Variants in CTR9 observed in about 807,000 individuals in gnomAD.
The protein encoded by CTR9 is RNA polymerase-associated protein CTR9 homolog.
Under a neutral mutation model 152.1 loss-of-function variants are expected in CTR9, and 41 were observed. The ratio of observed to expected loss-of-function variants is 0.27; its 90% CI spans 0.21 to 0.35. The LOEUF (loss-of-function observed/expected upper bound fraction) is 0.35. Ranked by LOEUF, CTR9 falls within the 10% of genes least tolerant of loss-of-function variation. CTR9 has a pLI of 1.00. For synonymous variants in CTR9, 476 were observed against 496.2 expected (o/e 0.96, Z 0.54); for missense variants, 917 against 1,424.4 (o/e 0.64, Z 5.73).
chr11:10,763,963 A>G, intron 9 of CTR9, 84 bp downstream of exon 9: 3 of 1,327,552 alleles, frequency 2.3e-6, no homozygotes, highest in South Asian at 2.7e-5. Flanking sequence ...TTGCTAGTAG[A>G]AATATGATAG....
rs1862793828 is a variant in CTR9 at position 10,751,248 on chromosome 11, T to C, written c.-165T>C. 1.5e-6 allele frequency: 1 copy of C among 676,586 alleles called. No homozygotes were observed. Among genetic ancestry groups the C allele is most frequent in the Non-Finnish European group, 2.5e-6 (1 of 400,450 alleles). The allele number at this position is 676,586 out of a possible 1,614,324, so 41.9% of individuals were successfully genotyped here. On this transcript the variant is annotated 5_prime_UTR_variant, in exon 1 of 25. Coordinates refer to ENST00000361367, the MANE Select transcript of CTR9 (RefSeq NM_014633.5). ...TGGCCGTCCGCCGTCCGCTGCTCGTTGTTTAAGCGGCTGACGGGAAGGAGA... is the reference window on the plus strand; with the variant it reads ...TGGCCGTCCGCCGTCCGCTGCTCGTCGTTTAAGCGGCTGACGGGAAGGAGA...
intron 24 of CTR9, among the ~76,000 whole-genome samples, chr11:10,778,074 A>G (rs1460948131): frequency 1.3e-5 from 2 of 152,190 alleles, no homozygotes; most frequent in Admixed American, 6.5e-5. Flanking sequence ...GCAAAGGGAA[A>G]TAAACCAAAG....
chr11:10,764,291 C>G lies in CTR9; in HGVS notation c.1285-17C>G. On this transcript the variant is annotated splice_polypyrimidine_tract_variant and intron_variant, in intron 10 of 24. Coordinates refer to ENST00000361367, the MANE Select transcript of CTR9 (RefSeq NM_014633.5). Reference sequence around the variant, plus strand: ...CTCTTCCACTTACACCTTTTTCTGTCAATCATGAAAATACAGGGTGCCCTT... The same window carrying G: ...CTCTTCCACTTACACCTTTTTCTGTGAATCATGAAAATACAGGGTGCCCTT... 6.2e-7 allele frequency: 1 copy of G among 1,613,628 alleles called. No homozygotes were observed. Among genetic ancestry groups the G allele is most frequent in the Non-Finnish European group, 8.5e-7 (1 of 1,179,822 alleles).
chr11:10,778,644 AT>A lies in CTR9; in HGVS notation c.3096-34del, dbSNP rs760370347. The A allele has an allele frequency of 5.7e-6, 9 of 1,584,560 alleles. No homozygotes were observed. The South Asian group carries it at 1.0e-4, about 18-fold the overall frequency. On this transcript the variant is annotated intron_variant, in intron 24 of 24. Coordinates refer to ENST00000361367, the MANE Select transcript of CTR9 (RefSeq NM_014633.5). ...CTCATCAAGGCCCCAGTTAGCCAGA[AT>A]CCTCAGCTTCTAACCAATGATCATC...
At chr11:10,772,492 A>C (rs1174058633) in intron 19 of CTR9, 28 bp from the exon 20 acceptor site, 2 of 1,400,798 alleles carry the variant, frequency 1.4e-6, no homozygotes, top group Non-Finnish European at 9.4e-7. Flanking sequence ...AGTTACATTC[A>C]TGTTTCTCTA....
rs775682634 is a variant in CTR9 at position 10,761,896 on chromosome 11, T to A, written c.742-51T>A. The A allele has an allele frequency of 2.5e-6, 3 of 1,215,460 alleles. No homozygotes were observed. The East Asian group carries it at 7.1e-5, about 29-fold the overall frequency. The allele number at this position is 1,215,460 out of a possible 1,614,324, so 75.3% of individuals were successfully genotyped here. On this transcript the variant is annotated intron_variant, in intron 6 of 24. Coordinates refer to ENST00000361367, the MANE Select transcript of CTR9 (RefSeq NM_014633.5). ...TGACTAAAGAAAACTTCTTGAAAAG[T>A]GCTAATTTAGTATTGTTTTCACTCC...
chr11:10,757,437 G>C (rs1862903069), intron 5 of CTR9, among the ~76,000 whole-genome samples: 1 of 152,000 alleles, frequency 6.6e-6, no homozygotes, highest in South Asian at 2.1e-4. Context: ...CAGAAAATCA[G>C]CCGCACATGG....
rs1358442914 is a variant in CTR9, at chr11:10,767,976, C to A, written c.1857C>A (p.Thr619=). The A allele has an allele frequency of 6.2e-7, 1 of 1,613,856 alleles. No individual in the cohort carries two copies. The part of the protein sequence containing the change: ...NVWLQTLHQP[T]RDREKEKRHQ... Reference sequence around the variant, plus strand: ...GGCTCCAAACTTTACATCAGCCCACCCGAGATCGAGAAAAGGTAATCTCTT... The same window carrying A: ...GGCTCCAAACTTTACATCAGCCCACACGAGATCGAGAAAAGGTAATCTCTT... The change falls in exon 14 of 25, where the codon ACC becomes ACA. Residue 619 remains threonine (T), a synonymous_variant. Transcript: ENST00000361367. The surrounding 1 kb of genome is among the most constrained non-coding windows in gnomAD (Gnocchi z 4.0).
At chr11:10,771,441 G>A (rs1208870402) in intron 18 of CTR9, 104 bp from the exon 19 acceptor site, 3 of 772,252 alleles carry the variant, frequency 3.9e-6, no homozygotes, top group African/African-American at 3.5e-5. Context: ...CAGTCAATAT[G>A]CAAACCTTTT....
At position 10,773,134 on chromosome 11, in the gene CTR9, A is replaced by G. The variant is rs1022358249; in HGVS notation, c.2588A>G (p.Lys863Arg). The change falls in exon 21 of 25, where the codon AAA becomes AGA. Residue 863 changes from lysine to arginine, a missense_variant. Lys to Arg is a conservative substitution (Grantham distance 26). Around this residue, in one of 9 missense-constraint regions of CTR9, gnomAD observed 384 missense variants for 398.4 expected, o/e 0.96. Transcript: ENST00000361367. Reference protein sequence around the residue: ...RQKLLKEQEEKRLREKEEQKK... With the variant: ...RQKLLKEQEERRLREKEEQKK... Reference sequence around the variant, plus strand: ...TACCATTTTTCCTCATAGGAAGAGAAACGTCTCAGAGAAAAGGAAGAGCAA... The same window carrying G: ...TACCATTTTTCCTCATAGGAAGAGAGACGTCTCAGAGAAAAGGAAGAGCAA... 3 of 1,594,110 alleles carry G rather than the reference A, an allele frequency of 1.9e-6. No homozygotes were observed. The highest frequency in any genetic ancestry group is 2.6e-6 in the Non-Finnish European group (3 of 1,175,484).
chr11:10,760,323 T>C lies in CTR9; in HGVS notation c.741+2T>C. The C allele has an allele frequency of 6.2e-7, 1 of 1,608,504 alleles. No individual in the cohort carries two copies. The highest frequency in any genetic ancestry group is 8.5e-7 in the Non-Finnish European group (1 of 1,176,682). On this transcript the variant is annotated splice_donor_variant, in intron 6 of 24. Transcript: ENST00000361367. LOFTEE classifies it high-confidence loss of function. ...GTTCTAGAACTCAACAATAAAGAGG[T>C]ATGTAAATGAAAAAAGTATCTAGCT...
chr11:10,764,227 C>T (rs1590021545), intron 10 of CTR9, 26 bp downstream of exon 10: 1 of 1,613,172 alleles, frequency 6.2e-7, no homozygotes, highest in Non-Finnish European at 8.5e-7. Flanking sequence ...TTTTTAATCT[C>T]TCATATGATG....
At position 10,764,298 on chromosome 11, in the gene CTR9, G is replaced by T. The variant is rs755348563; in HGVS notation, c.1285-10G>T. On this transcript the variant is annotated splice_polypyrimidine_tract_variant and intron_variant, in intron 10 of 24. Transcript: ENST00000361367. Reference sequence around the variant, plus strand: ...ACTTACACCTTTTTCTGTCAATCATGAAAATACAGGGTGCCCTTTCAGCCT... The same window carrying T: ...ACTTACACCTTTTTCTGTCAATCATTAAAATACAGGGTGCCCTTTCAGCCT... 1.9e-6 allele frequency: 3 copies of T among 1,613,918 alleles called. 1 individual carries two copies. The South Asian group carries it at 3.3e-5, about 18-fold the overall frequency.
intron 5 of CTR9, among the ~76,000 whole-genome samples, chr11:10,757,277 C>T (rs1477691435): frequency 6.6e-6 from 1 of 151,852 alleles, no homozygotes; most frequent in African/African-American, 2.4e-5. Context: ...AGAACAAGAC[C>T]TTGTCTCAAG....
intron 21 of CTR9, 93 bp from the exon 22 acceptor site, chr11:10,773,919 T>G: frequency 1.4e-6 from 1 of 714,298 alleles, no homozygotes; most frequent in Non-Finnish European, 2.2e-6. Context: ...CATTGTCAAA[T>G]GACAATGGAT....
At chr11:10,772,746 G>A (rs958120467) in intron 20 of CTR9, 91 bp downstream of exon 20, 62 of 1,307,852 alleles carry the variant, frequency 4.7e-5, no homozygotes, top group Non-Finnish European at 6.0e-5. Context: ...TCTGCCAGGC[G>A]TGGTGGCTGA....
chr11:10,764,107 C>T lies in CTR9; in HGVS notation c.1195-5C>T. The T allele has an allele frequency of 6.2e-7, 1 of 1,613,624 alleles. No homozygotes were observed. Among genetic ancestry groups the T allele is most frequent in the Middle Eastern group, 1.6e-4 (1 of 6,062 alleles). ...ACTTCAGCTTAACAATCTCTTTTAT[C>T]CCAGGGCCATTTGAAGAAGGTCACA... On this transcript the variant is annotated splice_region_variant and splice_polypyrimidine_tract_variant and intron_variant, in intron 9 of 24. Coordinates refer to ENST00000361367, the MANE Select transcript of CTR9 (RefSeq NM_014633.5).
In CTR9 at chr11:10,773,298, A is replaced by G. The variant is rs1235675415; in HGVS notation, c.2727+25A>G. 3.7e-6 allele frequency: 6 copies of G among 1,603,572 alleles called. No individual in the cohort carries two copies. In the South Asian group the frequency reaches 6.8e-5, roughly 18 times the overall value. On this transcript the variant is annotated intron_variant, in intron 21 of 24. Transcript: ENST00000361367. ...GGTAAGATATAATTCCTGCTAGCAC[A>G]AGTGACCTCATTCTCTGTCTTTTGG...
intron 5 of CTR9, among the ~76,000 whole-genome samples, chr11:10,758,179 C>T (rs758188959): frequency 5.9e-5 from 9 of 152,160 alleles, no homozygotes; most frequent in Non-Finnish European, 1.2e-4. Context: ...TTAGTTTTTA[C>T]ATCGACAGAG....
Sources: gnomAD v4.1 joint callset for allele counts (sites outside exome capture counted in the v4.1 genomes callset) on GRCh38, gnomAD v4.1.1 for gene constraint, gnomAD v4.1.1 regional missense constraint, Gnocchi (gnomAD v3.1) non-coding constraint, MANE v1.5 for transcripts, NCBI Gene and HGNC (gene_info 2026-07-23, HGNC 2026-07-21) for gene names.